PCDH9: variants seen among roughly 807,000 people sequenced by gnomAD.
PCDH9 encodes protocadherin 9.
Under a neutral mutation model 70.6 loss-of-function variants are expected in PCDH9, and 24 were observed. The observed-to-expected ratio is 0.34, with a 90% confidence interval of 0.25 to 0.48. The LOEUF is 0.48. Among genes scored for constraint, PCDH9 ranks in the 20% least tolerant of loss-of-function variants. The pLI, the probability that PCDH9 is intolerant of heterozygous loss-of-function variation, is 0.99. For synonymous variants in PCDH9, 562 were observed against 558.5 expected, an observed-to-expected ratio of 1.01 and a Z score of -0.09; for missense variants, 1,281 against 1,503.6, an observed-to-expected ratio of 0.85 and a Z score of 2.45.
intron 2 of PCDH9, among the ~76,000 whole-genome samples, chr13:67,155,450 AC>A (rs2138400002): frequency 6.6e-6 from 1 of 152,330 alleles, no homozygotes; most frequent in African/African-American, 2.4e-5. Flanking sequence ...AGAAAACAAA[AC>A]TGATTTATTT....
At chr13:66,587,516 A>T (rs1174249364) in intron 4 of PCDH9, among the ~76,000 whole-genome samples, 1 of 152,098 alleles carries the variant, frequency 6.6e-6, no homozygotes, top group Non-Finnish European at 1.5e-5. Flanking sequence ...GTAACCATGA[A>T]ATTTATTTAG....
chr13:66,578,184 T>G (rs2076841197), intron 4 of PCDH9, among the ~76,000 whole-genome samples: 1 of 152,134 alleles, frequency 6.6e-6, no homozygotes, highest in Non-Finnish European at 1.5e-5. Flanking sequence ...CTCTTTCAGA[T>G]AATTTGTTAG....
At chr13:66,380,679 G>T (rs1956832468) in intron 4 of PCDH9, among the ~76,000 whole-genome samples, 1 of 151,830 alleles carries the variant, frequency 6.6e-6, no homozygotes, top group African/African-American at 2.4e-5. Context: ...GAGTAACTGG[G>T]ACTACAGGCG....
intron 4 of PCDH9, among the ~76,000 whole-genome samples, chr13:66,591,399 G>A (rs1221118066): frequency 6.6e-6 from 1 of 150,524 alleles, no homozygotes; most frequent in Non-Finnish European, 1.5e-5. Flanking sequence ...TCACATTAAA[G>A]GTATAGCAGT....
At chr13:67,204,379 T>G (rs1259129661) in intron 2 of PCDH9, 1 of 152,184 alleles carries the variant, frequency 6.6e-6, no homozygotes, top group South Asian at 2.1e-4. Context: ...TAGGAGCTGA[T>G]GCCCATTTGC....
chr13:66,498,655 C>T (rs115486387), intron 4 of PCDH9, among the ~76,000 whole-genome samples: 126 of 152,076 alleles, frequency 8.3e-4, no homozygotes, highest in African/African-American at 2.9e-3. Context: ...GTAGAGCATG[C>T]CATAATTTAA....
intron 4 of PCDH9, among the ~76,000 whole-genome samples, chr13:66,336,201 G>T (rs1216276072): frequency 1.3e-5 from 2 of 151,884 alleles, no homozygotes; most frequent in Non-Finnish European, 2.9e-5. Context: ...GTGTTAAAAA[G>T]TATATACAAG....
At chr13:66,617,569 C>A (rs563199395) in intron 4 of PCDH9, among the ~76,000 whole-genome samples, 39 of 152,124 alleles carry the variant, frequency 2.6e-4, no homozygotes, top group Non-Finnish European at 4.9e-4. Flanking sequence ...GGATTGGGCT[C>A]AGGTGAAGGG....
chr13:66,966,969 C>G (rs1223098578), intron 2 of PCDH9, among the ~76,000 whole-genome samples: 1 of 151,968 alleles, frequency 6.6e-6, no homozygotes, highest in African/African-American at 2.4e-5. Flanking sequence ...GTCTGACTCC[C>G]AAATATATGA....
intron 2 of PCDH9, among the ~76,000 whole-genome samples, chr13:67,122,278 T>C (rs2086892056): frequency 6.6e-6 from 1 of 152,164 alleles, no homozygotes; most frequent in Non-Finnish European, 1.5e-5. Flanking sequence ...TAATTACACA[T>C]TGTAATTTCA....
At chr13:66,320,010 T>G (rs1466388711) in intron 4 of PCDH9, among the ~76,000 whole-genome samples, 1 of 152,088 alleles carries the variant, frequency 6.6e-6, no homozygotes, top group African/African-American at 2.4e-5. Flanking sequence ...ATTATTAAGA[T>G]AATAAGTCAA....
At chr13:66,871,516 G>A (rs1178319469) in intron 3 of PCDH9, among the ~76,000 whole-genome samples, 1 of 151,904 alleles carries the variant, frequency 6.6e-6, no homozygotes, top group Non-Finnish European at 1.5e-5. Flanking sequence ...CATAAGAATA[G>A]TAAGATGATC....
intron 4 of PCDH9, among the ~76,000 whole-genome samples, chr13:66,591,791 G>A (rs2077042278): frequency 6.6e-6 from 1 of 151,480 alleles, no homozygotes; most frequent in African/African-American, 2.4e-5. Context: ...TTAATATAAA[G>A]TGTTGCAGGT....
chr13:67,059,252 G>C (rs571622245), intron 2 of PCDH9, among the ~76,000 whole-genome samples: 3 of 150,864 alleles, frequency 2.0e-5, no homozygotes, highest in African/African-American at 2.4e-5. Context: ...CATTATTCTA[G>C]ATGCTGAGGA....
At chr13:66,313,967 A>C (rs1955607344) in intron 4 of PCDH9, among the ~76,000 whole-genome samples, 1 of 152,214 alleles carries the variant, frequency 6.6e-6, no homozygotes, top group South Asian at 2.1e-4. Flanking sequence ...AATCCATGTG[A>C]TCTGTAGGTA....
At chr13:66,607,160 TTAAG>T (rs1436463136) in intron 4 of PCDH9, among the ~76,000 whole-genome samples, 3 of 152,210 alleles carry the variant, frequency 2.0e-5, no homozygotes, top group African/African-American at 7.2e-5. Context: ...GTGAAGGCTG[TTAAG>T]TAAGTTGTTT....
intron 3 of PCDH9, among the ~76,000 whole-genome samples, chr13:66,655,104 CAACAAGT>C (rs913840897): frequency 6.6e-6 from 1 of 151,768 alleles, no homozygotes; most frequent in Non-Finnish European, 1.5e-5. Context: ...GAAGGCCTTT[CAACAAGT>C]TGCATTTATG....
chr13:66,330,273 G>A (rs1955920098), intron 4 of PCDH9, among the ~76,000 whole-genome samples: 1 of 152,182 alleles, frequency 6.6e-6, no homozygotes, highest in African/African-American at 2.4e-5. Context: ...AATTCACCAA[G>A]TAATTGCTCA....
intron 4 of PCDH9, among the ~76,000 whole-genome samples, chr13:66,554,685 A>C (rs1961646124): frequency 6.6e-6 from 1 of 152,144 alleles, no homozygotes; most frequent in Non-Finnish European, 1.5e-5. Context: ...ATTCTTAGCC[A>C]ATAGCATTAA....
Sources: allele counts gnomAD v4.1 joint callset (sites outside exome capture counted in the v4.1 genomes callset), GRCh38; gene constraint gnomAD v4.1.1; transcripts MANE v1.5; gene names NCBI Gene and HGNC (gene_info 2026-07-23, HGNC 2026-07-21).